The following CXCL17 variants were observed in gnomAD, a reference collection of about 807,000 sequenced individuals.
CXCL17 encodes the protein C-X-C motif chemokine 17.
Under a neutral mutation model 15.5 loss-of-function variants are expected in CXCL17, and 9 were observed. That is an observed-to-expected ratio of 0.58 (90% CI 0.35 to 1.01). The LOEUF (loss-of-function observed/expected upper bound fraction) is 1.01, where lower values mean the gene tolerates loss of function less well. CXCL17 is among the 50% of genes least tolerant of loss of function. The pLI is 0.02. For missense variants in CXCL17, 133 were observed against 138.2 expected (o/e 0.96, Z 0.19); for synonymous variants, 52 against 52.3 (o/e 0.99, Z 0.02).
rs34306641 is a variant in CXCL17, at chr19:42,428,547, A to G, written c.*337T>C. The G allele has an allele frequency of 0.015, 3,036 of 199,632 alleles. 51 individuals are homozygous for G. The highest frequency in any genetic ancestry group is 0.018 in the Non-Finnish European group (1,756 of 97,272). The allele number at this position is 199,632 out of a possible 1,614,324, so 12.4% of individuals were successfully genotyped here. On this transcript the variant is annotated 3_prime_UTR_variant, in exon 4 of 4. Coordinates refer to ENST00000601181, the MANE Select transcript of CXCL17 (RefSeq NM_198477.3). The stretch of plus-strand genomic sequence containing the variant: ...GAAGGAAACAATTTTGATCTGTGAC[A>G]TTTAAAAATATTTATTGACTTCTGT...
chr19:42,430,660 A>T (rs13343388), intron 3 of CXCL17, among the ~76,000 whole-genome samples: 2,540 of 151,358 alleles, frequency 0.017, 70 homozygotes, highest in African/African-American at 0.057. Flanking sequence ...TCCTTTTCTG[A>T]TCACTGCTTT....
At chr19:42,435,047 C>G (rs925071845) in intron 1 of CXCL17, among the ~76,000 whole-genome samples, 1 of 151,730 alleles carries the variant, frequency 6.6e-6, no homozygotes, top group Non-Finnish European at 1.5e-5. Context: ...GGCGTGGTGG[C>G]GGGCGCCTGT....
At chr19:42,433,680 A>C (rs2040805556) in intron 2 of CXCL17, 96 bp downstream of exon 2, 3 of 1,013,740 alleles carry the variant, frequency 3.0e-6, no homozygotes, top group Non-Finnish European at 4.6e-6. Flanking sequence ...GGGTGAGGTC[A>C]GCTGAGATAA....
chr19:42,434,428 G>T (rs1392355273), intron 1 of CXCL17, among the ~76,000 whole-genome samples: 3 of 151,994 alleles, frequency 2.0e-5, no homozygotes, highest in African/African-American at 7.2e-5. Flanking sequence ...TGGGTTTTTT[G>T]TTTGTTTGTT....
In CXCL17 at chr19:42,433,045, T is replaced by A. The variant is rs778950064; in HGVS notation, c.193A>T (p.Met65Leu). The A allele has an allele frequency of 6.2e-7, 1 of 1,614,044 alleles. No individual in the cohort carries two copies. Among genetic ancestry groups the A allele is most frequent in the South Asian group, 1.1e-5 (1 of 91,058 alleles). Reference sequence around the variant, plus strand: ...TTCTTTGGCAGCCCAGACACTGTCATGAATTTTCTTCTCGGGGCTCTCAGG... The same window carrying A: ...TTCTTTGGCAGCCCAGACACTGTCAAGAATTTTCTTCTCGGGGCTCTCAGG... ...WFLRAPRRKFMTVSGLPKKQC... is the reference protein window; with the variant it reads ...WFLRAPRRKFLTVSGLPKKQC... The change falls in exon 3 of 4, where the codon ATG becomes TTG. Residue 65 changes from methionine (M) to leucine (L), a missense_variant. Transcript: ENST00000601181.
intron 3 of CXCL17, 149 bp downstream of exon 3, chr19:42,432,827 C>T (rs2040796553): frequency 1.5e-6 from 1 of 651,822 alleles, no homozygotes; most frequent in Non-Finnish European, 2.7e-6. Flanking sequence ...TTCCTATTTC[C>T]CGACAAGGTG....
chr19:42,433,677 G>T, intron 2 of CXCL17, 99 bp downstream of exon 2: 2 of 989,692 alleles, frequency 2.0e-6, no homozygotes, highest in Non-Finnish European at 3.2e-6. Context: ...AATGGGTGAG[G>T]TCAGCTGAGA....
chr19:42,435,839 A>AAT (rs2040829327), intron 1 of CXCL17, among the ~76,000 whole-genome samples: 2 of 151,306 alleles, frequency 1.3e-5, no homozygotes. Context: ...AAAAAAAAAA[A>AAT]AAAAAAGTAG....
chr19:42,435,818 A>C (rs1253000975), intron 1 of CXCL17, among the ~76,000 whole-genome samples: 1 of 124,302 alleles, frequency 8.0e-6, no homozygotes, highest in Non-Finnish European at 1.6e-5. Flanking sequence ...CAACAAAGCA[A>C]GACTTTGTCT....
intron 1 of CXCL17, among the ~76,000 whole-genome samples, chr19:42,439,437 A>G (rs2040870503): frequency 6.6e-6 from 1 of 151,348 alleles, no homozygotes; most frequent in Non-Finnish European, 1.5e-5. Flanking sequence ...TAAAAGTATG[A>G]TGATGCCATA....
rs1312985525 is a variant in CXCL17, at chr19:42,428,356, C to T, written c.*528G>A. The T allele has an allele frequency of 4.7e-5, 7 of 150,122 alleles. No homozygotes were observed. Among genetic ancestry groups the T allele is most frequent in the African/African-American group, 9.8e-5 (4 of 40,672 alleles). The allele number at this position is 150,122 out of a possible 1,614,324, so 9.3% of individuals were successfully genotyped here. ...ATGCTTTTTTTTTTTTGTCCCACCT[C>T]GCTCTTACCTCAGAAAGATTTGTCG... is the stretch of plus-strand genomic sequence containing the variant. On this transcript the variant is annotated 3_prime_UTR_variant, in exon 4 of 4. Transcript: ENST00000601181.
intron 3 of CXCL17, among the ~76,000 whole-genome samples, chr19:42,429,844 T>G (rs1208132332): frequency 6.6e-6 from 1 of 152,212 alleles, no homozygotes; most frequent in Admixed American, 6.5e-5. Context: ...AAAATGAGAT[T>G]ATACTATACG....
intron 3 of CXCL17, among the ~76,000 whole-genome samples, chr19:42,429,862 T>G (rs1270312771): frequency 1.3e-5 from 2 of 152,176 alleles, no homozygotes; most frequent in South Asian, 2.1e-4. Flanking sequence ...ACGTATTGCC[T>G]TAGTCGGCAC....
intron 1 of CXCL17, among the ~76,000 whole-genome samples, chr19:42,438,405 T>TATATATATATAA (rs1434854356): frequency 1.2e-4 from 8 of 66,878 alleles, no homozygotes; most frequent in Non-Finnish European, 2.2e-4. Flanking sequence ...TATATATATA[T>TATATATATATAA]AAAATACACA....
chr19:42,438,451 G>T (rs2040859690), intron 1 of CXCL17, among the ~76,000 whole-genome samples: 1 of 117,670 alleles, frequency 8.5e-6, no homozygotes, highest in South Asian at 2.8e-4. Context: ...ATACTGTAAT[G>T]AAAATGACGT....
chr19:42,437,348 T>G (rs966828499), intron 1 of CXCL17, among the ~76,000 whole-genome samples: 3 of 152,206 alleles, frequency 2.0e-5, no homozygotes, highest in African/African-American at 7.2e-5. Context: ...CTAACATGCA[T>G]TGGAATAAAC....
chr19:42,434,393 G>A (rs917498040), intron 1 of CXCL17, among the ~76,000 whole-genome samples: 1 of 152,078 alleles, frequency 6.6e-6, no homozygotes, highest in Admixed American at 6.6e-5. Flanking sequence ...CTTAAATCAA[G>A]ATTTTCCCTT....
chr19:42,430,927 T>C (rs922065282), intron 3 of CXCL17, among the ~76,000 whole-genome samples: 4 of 152,134 alleles, frequency 2.6e-5, no homozygotes, highest in Non-Finnish European at 4.4e-5. Context: ...AACCTCTGCC[T>C]CCCGGGTTCA....
At chr19:42,439,195 A>G (rs1460649619) in intron 1 of CXCL17, among the ~76,000 whole-genome samples, 5 of 147,984 alleles carry the variant, frequency 3.4e-5, no homozygotes, top group Non-Finnish European at 7.4e-5. Context: ...TGGAGGCGGC[A>G]GTGAGCCAAG....
Sources: gnomAD v4.1 joint callset for allele counts (sites outside exome capture counted in the v4.1 genomes callset) on GRCh38, gnomAD v4.1.1 for gene constraint, MANE v1.5 for transcripts, NCBI Gene and HGNC (gene_info 2026-07-23, HGNC 2026-07-21) for gene names.